CAMK2D: variants seen among roughly 807,000 people sequenced by gnomAD.
CAMK2D encodes the protein calcium/calmodulin dependent protein kinase II delta.
In CAMK2D, 37 loss-of-function variants were observed where a neutral mutation model predicts 84.0. The ratio of observed to expected loss-of-function variants is 0.44; its 90% CI spans 0.34 to 0.58. The LOEUF (loss-of-function observed/expected upper bound fraction) is 0.58. Ranked by LOEUF, CAMK2D falls within the 20% of genes least tolerant of loss-of-function variation. CAMK2D has a pLI of 0.02. For missense variants in CAMK2D, 448 were observed against 652.5 expected (o/e 0.69, Z 3.41); for synonymous variants, 202 against 212.5 (o/e 0.95, Z 0.43).
chr4:113,608,840 T>C (rs1561325377), intron 4 of CAMK2D, among the ~76,000 whole-genome samples: 2 of 152,128 alleles, frequency 1.3e-5, no homozygotes, highest in East Asian at 3.8e-4. Flanking sequence ...AAATGGAAAA[T>C]TTTGCTTATG....
rs1446638702 is a variant in CAMK2D, at chr4:113,462,324, C to G, written c.1212-2083G>C. Among the ~76,000 whole-genome samples the G allele has an allele frequency of 5.4e-4, 79 of 146,848 alleles. 2 individuals carry two copies. The highest frequency in any genetic ancestry group is 1.8e-3 in the African/African-American group (71 of 40,158). The stretch of plus-strand genomic sequence containing the variant: ...TCTGTCTGTCTGTCTGTCTGTCTGT[C>G]TGTCTGTCTGTCTGTCTATCTATCT... On this transcript the variant is annotated intron_variant, in intron 17 of 20. Coordinates refer to ENST00000511664, the MANE Select transcript of CAMK2D (RefSeq NM_001321571.2).
At chr4:113,709,384 G>GA (rs200896836) in intron 2 of CAMK2D, among the ~76,000 whole-genome samples, 32 of 149,376 alleles carry the variant, frequency 2.1e-4, no homozygotes, top group African/African-American at 5.9e-4. Flanking sequence ...GACCAGAAAT[G>GA]AAAAAAAAAG....
intron 18 of CAMK2D, 46 bp from the exon 19 acceptor site, chr4:113,457,609 G>A (rs2154101387): frequency 6.6e-7 from 1 of 1,510,206 alleles, no homozygotes; most frequent in Non-Finnish European, 9.2e-7. Context: ...TCTATGTAAA[G>A]GAAACTAAAA....
At chr4:113,740,280 TAAAC>T (rs1389459957) in intron 2 of CAMK2D, among the ~76,000 whole-genome samples, 2 of 152,162 alleles carry the variant, frequency 1.3e-5, no homozygotes, top group East Asian at 1.9e-4. Flanking sequence ...GATGAACTGA[TAAAC>T]AAAATGTGGT....
chr4:113,625,392 A>G (rs1442362297), intron 3 of CAMK2D, among the ~76,000 whole-genome samples: 1 of 152,186 alleles, frequency 6.6e-6, no homozygotes, highest in East Asian at 1.9e-4. Context: ...CTGAAAAACA[A>G]TAAAGCAGGG....
intron 2 of CAMK2D, among the ~76,000 whole-genome samples, chr4:113,751,151 A>T (rs957088041): frequency 6.6e-6 from 1 of 152,138 alleles, no homozygotes; most frequent in Non-Finnish European, 1.5e-5. Flanking sequence ...AGCTTAGGAA[A>T]ATTATTGTGC....
chr4:113,679,739 C>T (rs1467244862), intron 2 of CAMK2D, among the ~76,000 whole-genome samples: 1 of 152,144 alleles, frequency 6.6e-6, no homozygotes, highest in African/African-American at 2.4e-5. Flanking sequence ...AAATACGCAG[C>T]ATACAACTTA....
intron 4 of CAMK2D, among the ~76,000 whole-genome samples, chr4:113,602,200 C>T (rs913382041): frequency 6.6e-6 from 1 of 151,968 alleles, no homozygotes; most frequent in Non-Finnish European, 1.5e-5. Flanking sequence ...AGAACAATAT[C>T]GTGGCAAACG....
chr4:113,590,588 A>G (rs1463160604), intron 4 of CAMK2D, among the ~76,000 whole-genome samples: 2 of 152,190 alleles, frequency 1.3e-5, no homozygotes, highest in East Asian at 3.8e-4. Flanking sequence ...CAAGATCATA[A>G]ATTATAATTT....
chr4:113,712,551 A>T (rs1264031763), intron 2 of CAMK2D, among the ~76,000 whole-genome samples: 1 of 152,098 alleles, frequency 6.6e-6, no homozygotes, highest in East Asian at 1.9e-4. Context: ...TGAAAGTTTC[A>T]AGGCACATTC....
chr4:113,602,255 C>T (rs2098956462), intron 4 of CAMK2D, among the ~76,000 whole-genome samples: 1 of 151,898 alleles, frequency 6.6e-6, no homozygotes, highest in Non-Finnish European at 1.5e-5. Context: ...GTCTCTTGAA[C>T]AAGTATTCAC....
intron 8 of CAMK2D, among the ~76,000 whole-genome samples, chr4:113,522,842 A>T (rs1349629837): frequency 3.3e-5 from 5 of 152,258 alleles, no homozygotes; most frequent in Middle Eastern, 3.2e-3. Context: ...TGTCTGACTA[A>T]GACAGCAGAC....
At position 113,761,116 on chromosome 4, in the gene CAMK2D, G is replaced by A. The variant is rs574077002; in HGVS notation, c.-48C>T. The A allele has an allele frequency of 1.9e-6, 3 of 1,612,256 alleles. No homozygotes were observed. Among genetic ancestry groups the A allele is most frequent in the Admixed American group, 1.7e-5 (1 of 60,020 alleles). On this transcript the variant is annotated 5_prime_UTR_variant, in exon 1 of 21. Transcript: ENST00000511664. The stretch of plus-strand genomic sequence containing the variant: ...GCTGGGAGCGCGACGGACCAGAAGC[G>A]AGCAGACGCGCGGCTAACCCCGGGA...
At chr4:113,760,674 C>T (rs2099639260) in intron 1 of CAMK2D, among the ~76,000 whole-genome samples, 1 of 152,096 alleles carries the variant, frequency 6.6e-6, no homozygotes, top group Non-Finnish European at 1.5e-5. Flanking sequence ...ACACATTACA[C>T]ACAGGCGCGC....
At chr4:113,705,914 GAGC>G (rs2099451347) in intron 2 of CAMK2D, among the ~76,000 whole-genome samples, 2 of 152,118 alleles carry the variant, frequency 1.3e-5, no homozygotes, top group Admixed American at 1.3e-4. Flanking sequence ...TTGTGGGGAA[GAGC>G]TCCAAAAACC....
chr4:113,527,451 T>C (rs2098426498), intron 8 of CAMK2D, among the ~76,000 whole-genome samples: 1 of 152,116 alleles, frequency 6.6e-6, no homozygotes, highest in African/African-American at 2.4e-5. Context: ...CATAATGCTA[T>C]CGTATACTTA....
intron 16 of CAMK2D, among the ~76,000 whole-genome samples, chr4:113,488,373 G>A (rs1164782727): frequency 6.6e-6 from 1 of 152,112 alleles, no homozygotes; most frequent in East Asian, 1.9e-4. Context: ...ACCCATTTAT[G>A]CTGGAGGTTG....
At chr4:113,603,771 TTTTA>T (rs2098964656) in intron 4 of CAMK2D, among the ~76,000 whole-genome samples, 1 of 86,948 alleles carries the variant, frequency 1.2e-5, no homozygotes, top group South Asian at 4.2e-4. Context: ...TTTCTTGCTA[TTTTA>T]TATATATATA....
intron 6 of CAMK2D, among the ~76,000 whole-genome samples, chr4:113,538,250 A>G (rs74577662): frequency 0.028 from 4,330 of 152,264 alleles, 217 homozygotes; most frequent in African/African-American, 0.096. Flanking sequence ...CAGTCTTGGA[A>G]TAAGGCTGTG....
Sources: gnomAD v4.1 joint callset for allele counts (sites outside exome capture counted in the v4.1 genomes callset) on GRCh38, gnomAD v4.1.1 for gene constraint, MANE v1.5 for transcripts, NCBI Gene and HGNC (gene_info 2026-07-23, HGNC 2026-07-21) for gene names.